Variants in CENPA observed in about 807,000 individuals in gnomAD.
CENPA encodes centromere protein A.
Under a neutral mutation model 17.2 loss-of-function variants are expected in CENPA, and 7 were observed. The ratio of observed to expected loss-of-function variants is 0.41; its 90% CI spans 0.23 to 0.76. The LOEUF (loss-of-function observed/expected upper bound fraction) is 0.76. CENPA is among the 30% of genes least tolerant of loss of function. The pLI is 0.34. For synonymous variants in CENPA, 82 were observed against 77.4 expected, an observed-to-expected ratio of 1.06 and a Z score of -0.31; for missense variants, 149 against 193.1, an observed-to-expected ratio of 0.77 and a Z score of 1.35.
chr2:26,793,543 T>G (rs1192378374), intron 4 of CENPA, among the ~76,000 whole-genome samples: 1 of 152,216 alleles, frequency 6.6e-6, no homozygotes, highest in Non-Finnish European at 1.5e-5. Context: ...TAATTTCTTT[T>G]GGTTGTTATT....
intron 3 of CENPA, 39 bp from the exon 4 acceptor site, chr2:26,793,106 C>G: frequency 6.2e-7 from 1 of 1,611,778 alleles, no homozygotes; most frequent in Non-Finnish European, 8.5e-7. Flanking sequence ...AGCCCGTGGC[C>G]CTTCATCTGT....
rs997700814 is a variant in CENPA, at chr2:26,793,129, CTCTT to C, written c.289-12_289-9del. 6.2e-7 allele frequency: 1 copy of C among 1,613,164 alleles called. No individual in the cohort carries two copies. Among genetic ancestry groups the C allele is most frequent in the African/African-American group, 1.3e-5 (1 of 74,876 alleles). ...GCCCTTCATCTGTGTCCGTCTTTTT[CTCTT>C]TCTGTCTCCAGGCAGCAGAAGCATT... On this transcript the variant is annotated splice_polypyrimidine_tract_variant and intron_variant, in intron 3 of 4. Transcript: ENST00000335756.
chr2:26,793,030 G>A (rs2148068475), intron 3 of CENPA, 115 bp from the exon 4 acceptor site: 2 of 1,441,988 alleles, frequency 1.4e-6, no homozygotes, highest in African/African-American at 1.4e-5. Context: ...GTCTCATTCT[G>A]TGAATAGTTT....
chr2:26,792,531 C>T, intron 2 of CENPA: 1 of 714,650 alleles, frequency 1.4e-6, no homozygotes, highest in South Asian at 1.5e-5. Flanking sequence ...GAGATTGCCT[C>T]TCATCACCCA....
At chr2:26,789,374 T>C (rs1664575365) in intron 1 of CENPA, among the ~76,000 whole-genome samples, 1 of 152,038 alleles carries the variant, frequency 6.6e-6, no homozygotes, top group African/African-American at 2.4e-5. Flanking sequence ...TGGTGTTCTC[T>C]ACTGCCTGTG....
chr2:26,789,003 G>T (rs1285863773), intron 1 of CENPA, among the ~76,000 whole-genome samples: 1 of 152,144 alleles, frequency 6.6e-6, no homozygotes, highest in Non-Finnish European at 1.5e-5. Context: ...GAAAGGGCAG[G>T]AGTGTTTCCT....
chr2:26,791,521 A>C (rs1335473176), intron 1 of CENPA, among the ~76,000 whole-genome samples: 1 of 152,230 alleles, frequency 6.6e-6, no homozygotes, highest in Non-Finnish European at 1.5e-5. Context: ...GGTGCCTGAC[A>C]CTGACACTGA....
In CENPA at chr2:26,793,876, C is replaced by A. The variant is rs896568299; in HGVS notation, c.*112C>A. The A allele has an allele frequency of 6.6e-6, 1 of 152,328 alleles. No homozygotes were observed. The highest frequency in any genetic ancestry group is 2.4e-5 in the African/African-American group (1 of 41,442). The allele number at this position is 152,328 out of a possible 1,614,324, so 9.4% of individuals were successfully genotyped here. ...AATGGATTCTGCGATGCTGTCTGGA[C>A]TTTGCTGTCTCTGAACAGTATGTGT... On this transcript the variant is annotated 3_prime_UTR_variant, in exon 5 of 5. Transcript: ENST00000335756.
intron 1 of CENPA, 46 bp downstream of exon 1, chr2:26,786,342 G>T (rs981293774): frequency 1.6e-6 from 2 of 1,286,666 alleles, no homozygotes; most frequent in African/African-American, 3.1e-5. Context: ...ACCGAGGCTC[G>T]CAGGCGGAGC....
intron 3 of CENPA, 113 bp downstream of exon 3, chr2:26,792,946 A>T: frequency 7.9e-7 from 1 of 1,263,144 alleles, no homozygotes; most frequent in African/African-American, 1.5e-5. Context: ...TCTGGAAAAG[A>T]ACAATGAGGT....
At chr2:26,791,065 G>A (rs1664606568) in intron 1 of CENPA, among the ~76,000 whole-genome samples, 1 of 152,006 alleles carries the variant, frequency 6.6e-6, no homozygotes, top group African/African-American at 2.4e-5. Flanking sequence ...TAATTATGGA[G>A]CAACTGTGCT....
intron 1 of CENPA, among the ~76,000 whole-genome samples, chr2:26,791,599 G>A (rs145434047): frequency 1.8e-4 from 28 of 152,252 alleles, no homozygotes; most frequent in East Asian, 7.7e-4. Context: ...TCTTCACCTC[G>A]CTGGGCCTCA....
intron 4 of CENPA, among the ~76,000 whole-genome samples, 183 bp from the exon 5 acceptor site, chr2:26,793,629 G>A (rs1394673428): frequency 1.3e-5 from 2 of 152,126 alleles, no homozygotes; most frequent in African/African-American, 4.8e-5. Context: ...CTCCTGCCTT[G>A]GCCTCCCAAA....
chr2:26,793,141 C>G lies in CENPA; in HGVS notation c.289-4C>G. On this transcript the variant is annotated splice_polypyrimidine_tract_variant and splice_region_variant and intron_variant, in intron 3 of 4. Coordinates refer to ENST00000335756, the MANE Select transcript of CENPA (RefSeq NM_001809.4). ...TGTCCGTCTTTTTCTCTTTCTGTCT[C>G]CAGGCAGCAGAAGCATTTCTAGTTC... The G allele has an allele frequency of 6.2e-7, 1 of 1,613,922 alleles. No homozygotes were observed. Among genetic ancestry groups the G allele is most frequent in the Non-Finnish European group, 8.5e-7 (1 of 1,180,006 alleles).
intron 2 of CENPA, 49 bp downstream of exon 2, chr2:26,792,289 T>C (rs553922223): frequency 6.8e-7 from 1 of 1,475,828 alleles, no homozygotes; most frequent in Non-Finnish European, 9.3e-7. Context: ...CTCCTTTTTT[T>C]AAATTTTCCC....
chr2:26,792,684 GC>G, intron 2 of CENPA, 71 bp from the exon 3 acceptor site: 2 of 1,228,216 alleles, frequency 1.6e-6, no homozygotes, highest in Admixed American at 1.7e-5. Context: ...CTCATGGAGA[GC>G]ATCATTGTCC....
At chr2:26,792,446 T>A in intron 2 of CENPA, 1 of 711,288 alleles carries the variant, frequency 1.4e-6, no homozygotes. Flanking sequence ...TACTACCTTT[T>A]TAAAACTGTA....
In CENPA at chr2:26,793,195, C is replaced by G. The variant is rs771392905; in HGVS notation, c.339C>G (p.Thr113=). 1.1e-5 allele frequency: 18 copies of G among 1,614,182 alleles called. No individual in the cohort carries two copies. Among genetic ancestry groups the G allele is most frequent in the Non-Finnish European group, 1.3e-5 (15 of 1,180,026 alleles). The part of the protein sequence containing the change: ...VHLFEDAYLL[T]LHAGRVTLFP... ...TCTTTGAGGACGCCTATCTCCTCAC[C>G]TTACATGCAGGCCGAGTTACTCTCT... The change falls in exon 4 of 5, where the codon ACC becomes ACG. Residue 113 remains threonine (T), a synonymous_variant. Coordinates refer to ENST00000335756, the MANE Select transcript of CENPA (RefSeq NM_001809.4).
intron 1 of CENPA, among the ~76,000 whole-genome samples, chr2:26,789,379 C>T (rs768945539): frequency 7.2e-5 from 11 of 151,964 alleles, no homozygotes; most frequent in Non-Finnish European, 1.0e-4. Context: ...TTCTCTACTG[C>T]CTGTGCTGCC....
Sources: allele counts gnomAD v4.1 joint callset (sites outside exome capture counted in the v4.1 genomes callset), GRCh38; gene constraint gnomAD v4.1.1; transcripts MANE v1.5; gene names NCBI Gene and HGNC (gene_info 2026-07-23, HGNC 2026-07-21).